The following NELL1 variants were observed in gnomAD, a reference collection of about 807,000 sequenced individuals.
The protein encoded by NELL1 is neural EGFL like 1.
NELL1 carries 76 observed loss-of-function variants against 107.4 expected under a neutral mutation model. The ratio of observed to expected loss-of-function variants is 0.71; its 90% CI spans 0.59 to 0.86. NELL1 has a LOEUF of 0.86. Ranked by LOEUF, NELL1 falls within the 40% of genes least tolerant of loss-of-function variation. The pLI is 0.00. For synonymous variants in NELL1, 353 were observed against 341.2 expected (o/e 1.03, Z -0.38); for missense variants, 1,024 against 1,005.5 (o/e 1.02, Z -0.25).
chr11:20,977,650 T>C (rs559764465), intron 12 of NELL1, among the ~76,000 whole-genome samples: 2 of 152,330 alleles, frequency 1.3e-5, no homozygotes, highest in South Asian at 2.1e-4. Context: ...AATACTTAAG[T>C]GCATAAGACA....
At chr11:20,678,138 GT>G in intron 2 of NELL1, 78 bp downstream of exon 2, 2 of 1,530,014 alleles carry the variant, frequency 1.3e-6, no homozygotes, top group Non-Finnish European at 1.8e-6. Flanking sequence ...TTTGTTGTGT[GT>G]TTGTCTGGAG....
chr11:20,989,869 C>T (rs187174301), intron 12 of NELL1, among the ~76,000 whole-genome samples: 130 of 151,996 alleles, frequency 8.6e-4, no homozygotes, highest in African/African-American at 2.7e-3. Flanking sequence ...TGGTGGCGGG[C>T]GCCTGTAGTC....
At chr11:20,977,349 C>T (rs548540201) in intron 12 of NELL1, among the ~76,000 whole-genome samples, 71 of 151,402 alleles carry the variant, frequency 4.7e-4, no homozygotes, top group African/African-American at 1.6e-3. Context: ...ACTGCAAGCT[C>T]CGCCTCTCGG....
intron 14 of NELL1, among the ~76,000 whole-genome samples, chr11:21,341,331 C>A (rs1409020355): frequency 6.6e-6 from 1 of 152,152 alleles, no homozygotes; most frequent in African/African-American, 2.4e-5. Context: ...ATGAGAAATT[C>A]TATTCTATCT....
At chr11:21,410,096 G>T (rs1322923208) in intron 15 of NELL1, among the ~76,000 whole-genome samples, 1 of 151,900 alleles carries the variant, frequency 6.6e-6, no homozygotes, top group African/African-American at 2.4e-5. Context: ...ACTATTTTCT[G>T]CATTGCAGTG....
At chr11:20,938,908 G>GTCTGTCTC (rs1376556050) in intron 10 of NELL1, among the ~76,000 whole-genome samples, 1 of 144,540 alleles carries the variant, frequency 6.9e-6, no homozygotes, top group African/African-American at 2.6e-5. Context: ...TTCTCTCTCT[G>GTCTGTCTC]TCTCTCTCTC....
intron 13 of NELL1, among the ~76,000 whole-genome samples, chr11:21,203,255 T>C (rs1186362949): frequency 6.6e-6 from 1 of 152,162 alleles, no homozygotes; most frequent in Non-Finnish European, 1.5e-5. Flanking sequence ...GGTGGGAGTC[T>C]AAGTCTCTTT....
intron 2 of NELL1, among the ~76,000 whole-genome samples, chr11:20,719,989 C>T (rs1855341848): frequency 6.6e-6 from 1 of 152,176 alleles, no homozygotes; most frequent in Admixed American, 6.5e-5. Flanking sequence ...ATGGGTGGGA[C>T]ATCTATTTCC....
intron 2 of NELL1, among the ~76,000 whole-genome samples, chr11:20,705,319 A>C (rs1421175809): frequency 6.6e-6 from 1 of 152,176 alleles, no homozygotes; most frequent in Non-Finnish European, 1.5e-5. Context: ...AAACAGAGAT[A>C]TAGACCAATG....
At chr11:21,276,815 T>A (rs1848874891) in intron 14 of NELL1, among the ~76,000 whole-genome samples, 2 of 152,204 alleles carry the variant, frequency 1.3e-5, no homozygotes, top group Non-Finnish European at 2.9e-5. Flanking sequence ...CCCTGTTTAA[T>A]CAATGGCGCT....
At chr11:21,423,043 A>G (rs887592591) in intron 15 of NELL1, among the ~76,000 whole-genome samples, 4 of 152,180 alleles carry the variant, frequency 2.6e-5, no homozygotes, top group Non-Finnish European at 1.5e-5. Context: ...TGCTATACTA[A>G]TATAAAAAAT....
chr11:20,983,884 C>A (rs1256918846), intron 12 of NELL1, among the ~76,000 whole-genome samples: 2 of 152,140 alleles, frequency 1.3e-5, no homozygotes, highest in East Asian at 3.9e-4. Context: ...ACCACAGGAA[C>A]CTTCAGGATC....
chr11:21,346,579 GATAA>G (rs200420296), intron 14 of NELL1, among the ~76,000 whole-genome samples: 4,822 of 146,676 alleles, frequency 0.033, 122 homozygotes, highest in Non-Finnish European at 0.05. Flanking sequence ...TAATATATAT[GATAA>G]ATATAATATA....
At chr11:21,019,365 A>G (rs1453194072) in intron 12 of NELL1, among the ~76,000 whole-genome samples, 1 of 152,082 alleles carries the variant, frequency 6.6e-6, no homozygotes, top group East Asian at 1.9e-4. Context: ...GCTGACATCC[A>G]GTCGGGAAAG....
At chr11:20,920,531 G>A (rs1169664626) in intron 7 of NELL1, among the ~76,000 whole-genome samples, 3 of 152,108 alleles carry the variant, frequency 2.0e-5, no homozygotes, top group Non-Finnish European at 4.4e-5. Context: ...TCAGAGTATA[G>A]TGGGAATGTG....
chr11:20,795,743 A>G (rs1185906997), intron 3 of NELL1, among the ~76,000 whole-genome samples: 1 of 152,142 alleles, frequency 6.6e-6, no homozygotes, highest in Non-Finnish European at 1.5e-5. Context: ...TTCTGAGGAG[A>G]TGAAGAAGAC....
chr11:20,824,925 G>A (rs959354383), intron 3 of NELL1, among the ~76,000 whole-genome samples: 2 of 151,370 alleles, frequency 1.3e-5, no homozygotes, highest in Non-Finnish European at 3.0e-5. Context: ...GCAGCCGAAT[G>A]TTAATCACTA....
At chr11:21,294,461 C>G (rs1849334482) in intron 14 of NELL1, among the ~76,000 whole-genome samples, 1 of 152,088 alleles carries the variant, frequency 6.6e-6, no homozygotes, top group African/African-American at 2.4e-5. Flanking sequence ...TTACCCAGCA[C>G]AGTGCCTTAC....
chr11:21,426,828 G>A (rs558695518), intron 15 of NELL1, among the ~76,000 whole-genome samples: 24 of 152,190 alleles, frequency 1.6e-4, no homozygotes, highest in Non-Finnish European at 2.9e-4. Flanking sequence ...GGTCAATGAA[G>A]ATCTGGAAGA....
Sources: allele counts gnomAD v4.1 joint callset (sites outside exome capture counted in the v4.1 genomes callset), GRCh38; gene constraint gnomAD v4.1.1; transcripts MANE v1.5; gene names NCBI Gene and HGNC (gene_info 2026-07-23, HGNC 2026-07-21).